Variants in ZNF577 observed in about 807,000 individuals in gnomAD.
ZNF577 encodes zinc finger protein 577.
ZNF577 carries 14 observed loss-of-function variants against 13.9 expected under a neutral mutation model. The observed-to-expected ratio is 1.00, with a 90% CI of 0.66 to 1.57. ZNF577 has a LOEUF of 1.57. Among genes scored for constraint, ZNF577 ranks in the 40% most tolerant of loss-of-function variants. The probability of loss-of-function intolerance (pLI) is 0.00; values close to 1 mark genes in which losing one functional copy is unlikely to be tolerated. For missense variants in ZNF577, 555 were observed against 579.2 expected (o/e 0.96, Z 0.43); for synonymous variants, 203 against 202.9 (o/e 1.00, Z 0.00).
intron 9 of ZNF577, among the ~76,000 whole-genome samples, chr19:51,820,493 A>G (rs759264725): frequency 1.2e-4 from 19 of 152,152 alleles, no homozygotes; most frequent in Middle Eastern, 6.3e-3. Context: ...TCTCTTCTCC[A>G]CTTTGTAACT....
intron 1 of ZNF577, among the ~76,000 whole-genome samples, chr19:51,884,897 T>C (rs1230422410): frequency 6.6e-6 from 1 of 152,242 alleles, no homozygotes; most frequent in Non-Finnish European, 1.5e-5. Context: ...ATGTTCTGAA[T>C]TGATAGTTCC....
chr19:51,806,857 T>C (rs1468403985), intron 10 of ZNF577, among the ~76,000 whole-genome samples: 4 of 152,256 alleles, frequency 2.6e-5, no homozygotes, highest in Admixed American at 2.0e-4. Context: ...GCAGTTTCTA[T>C]GCGAATGGCT....
At chr19:51,822,422 G>A (rs1343754107) in intron 9 of ZNF577, among the ~76,000 whole-genome samples, 1 of 152,166 alleles carries the variant, frequency 6.6e-6, no homozygotes, top group Non-Finnish European at 1.5e-5. Flanking sequence ...GAGAAGAAAT[G>A]AGGAACAGTT....
intron 10 of ZNF577, among the ~76,000 whole-genome samples, chr19:51,807,225 T>G (rs1282620247): frequency 6.8e-6 from 1 of 147,216 alleles, no homozygotes; most frequent in East Asian, 2.0e-4. Context: ...GTGGGGGGGG[T>G]GGTTGCTGGC....
chr19:51,822,977 C>T (rs949046176), intron 9 of ZNF577, among the ~76,000 whole-genome samples: 1 of 152,118 alleles, frequency 6.6e-6, no homozygotes, highest in Non-Finnish European at 1.5e-5. Context: ...ATTCTCCTGC[C>T]TCAGCCTCCT....
intron 5 of ZNF577, among the ~76,000 whole-genome samples, chr19:51,875,595 T>C (rs1345980663): frequency 1.3e-5 from 2 of 152,240 alleles, no homozygotes; most frequent in Non-Finnish European, 2.9e-5. Context: ...ACTTATTTCA[T>C]GGACATCTTC....
chr19:51,808,763 A>G (rs537359044), intron 10 of ZNF577, among the ~76,000 whole-genome samples: 19 of 152,364 alleles, frequency 1.2e-4, no homozygotes, highest in Non-Finnish European at 2.5e-4. Flanking sequence ...TTATGTGTAC[A>G]TGAATAGCTC....
chr19:51,836,790 T>C (rs867284879), intron 9 of ZNF577, among the ~76,000 whole-genome samples: 18 of 152,180 alleles, frequency 1.2e-4, no homozygotes, highest in South Asian at 4.1e-4. Context: ...ACGCCTGTAA[T>C]ACCAGCACTT....
chr19:51,875,564 C>G (rs934053314), intron 5 of ZNF577, among the ~76,000 whole-genome samples: 49 of 152,164 alleles, frequency 3.2e-4, no homozygotes, highest in African/African-American at 8.9e-4. Context: ...ATGTCTTCCT[C>G]CTCCTTGGAA....
At chr19:51,846,662 C>T (rs980135907) in intron 5 of ZNF577, among the ~76,000 whole-genome samples, 5 of 151,792 alleles carry the variant, frequency 3.3e-5, no homozygotes, top group East Asian at 1.9e-4. Context: ...GAGCCGAGAT[C>T]GCGCCACTGC....
At chr19:51,855,072 A>C (rs1352038670) in intron 5 of ZNF577, among the ~76,000 whole-genome samples, 1 of 152,194 alleles carries the variant, frequency 6.6e-6, no homozygotes, top group East Asian at 1.9e-4. Flanking sequence ...GGGTAGTTTC[A>C]GTTGACAACC....
intron 1 of ZNF577, among the ~76,000 whole-genome samples, chr19:51,883,899 C>T (rs1056238913): frequency 6.6e-6 from 1 of 151,980 alleles, no homozygotes; most frequent in African/African-American, 2.4e-5. Context: ...AGGAAGAAAC[C>T]CCATCTCTAC....
intron 3 of ZNF577, among the ~76,000 whole-genome samples, chr19:51,879,109 T>A (rs1361349266): frequency 6.6e-6 from 1 of 151,562 alleles, no homozygotes; most frequent in African/African-American, 2.4e-5. Context: ...TACAAAAAAT[T>A]AGCTGGGCAT....
At chr19:51,866,092 C>T (rs185893211), downstream of ZNF577, among the ~76,000 whole-genome samples, 64 of 149,350 alleles carry the variant, frequency 4.3e-4, no homozygotes, top group East Asian at 2.6e-3. Flanking sequence ...TCCAGCCTGG[C>T]GACAGAGCAA....
chr19:51,827,383 T>C (rs181862268), intron 9 of ZNF577, among the ~76,000 whole-genome samples: 1 of 152,290 alleles, frequency 6.6e-6, no homozygotes, highest in East Asian at 1.9e-4. Context: ...ATAATAACTG[T>C]ATGGTACTTG....
chr19:51,814,745 G>A (rs972014331), intron 9 of ZNF577, among the ~76,000 whole-genome samples: 4 of 151,910 alleles, frequency 2.6e-5, no homozygotes, highest in African/African-American at 7.3e-5. Context: ...TGCCCACCTC[G>A]GCCTCCCAAA....
chr19:51,856,832 A>G (rs1264176598), intron 5 of ZNF577, among the ~76,000 whole-genome samples: 1 of 152,176 alleles, frequency 6.6e-6, no homozygotes, highest in African/African-American at 2.4e-5. Context: ...AAAGAACAGC[A>G]TTATGAATGA....
Position 51,823,687 on chromosome 19 carries a change from T to C in ZNF577, c.*600-12013A>G, listed in dbSNP as rs1035349596. On this transcript the variant is annotated intron_variant and NMD_transcript_variant, in intron 9 of 10. Coordinates refer to the ZNF577 transcript ENST00000638827. ...TACAGTGGAAGTTAATGAATAGTTGTATTGTAAGATGGTGTCACAGCTGAG... is the reference window on the plus strand; with the variant it reads ...TACAGTGGAAGTTAATGAATAGTTGCATTGTAAGATGGTGTCACAGCTGAG... 17 of 1,341,136 alleles carry C rather than the reference T, an allele frequency of 1.3e-5. No homozygotes were observed. In the East Asian group the frequency reaches 3.7e-4, roughly 30 times the overall value. The allele number at this position is 1,341,136 out of a possible 1,614,324, so 83.1% of individuals were successfully genotyped here. A position where few individuals can be genotyped will look rare whatever the true frequency, so the allele number is the denominator to read the frequency against.
chr19:51,880,507 C>G, intron 2 of ZNF577, 106 bp from the exon 3 acceptor site: 1 of 906,278 alleles, frequency 1.1e-6, no homozygotes. Flanking sequence ...CCCCCTGATC[C>G]ATATATCTTG....
Sources: gnomAD v4.1 joint callset for allele counts (sites outside exome capture counted in the v4.1 genomes callset) on GRCh38, gnomAD v4.1.1 for gene constraint, MANE v1.5 for transcripts, NCBI Gene and HGNC (gene_info 2026-07-23, HGNC 2026-07-21) for gene names.